Variants in CFAP58 observed in about 807,000 individuals in gnomAD.
CFAP58 encodes cilia- and flagella-associated protein 58.
In CFAP58, 88 loss-of-function variants were observed where a neutral mutation model predicts 119.5. That is an observed-to-expected ratio of 0.74 (90% CI 0.62 to 0.88). CFAP58 has a LOEUF of 0.88. Among genes scored for constraint, CFAP58 ranks in the 40% least tolerant of loss-of-function variants. The pLI, the probability that CFAP58 is intolerant of heterozygous loss-of-function variation, is 0.00. For missense variants in CFAP58, 990 were observed against 1,021.2 expected, an observed-to-expected ratio of 0.97 and a Z score of 0.42; for synonymous variants, 365 against 366.3, an observed-to-expected ratio of 1.00 and a Z score of 0.04.
chr10:104,425,987 C>G (rs952486519), intron 15 of CFAP58, among the ~76,000 whole-genome samples: 19 of 152,122 alleles, frequency 1.2e-4, no homozygotes, highest in Non-Finnish European at 1.0e-4. Context: ...AATCCCAGCA[C>G]TTTGGGAGGC....
chr10:104,359,068 T>C (rs1267962841), intron 2 of CFAP58, among the ~76,000 whole-genome samples: 1 of 152,200 alleles, frequency 6.6e-6, no homozygotes, highest in Non-Finnish European at 1.5e-5. Context: ...TAGCACCCCT[T>C]TTCTTTCCTC....
At chr10:104,382,347 A>G in intron 9 of CFAP58, 1 of 568,584 alleles carries the variant, frequency 1.8e-6, no homozygotes, top group Middle Eastern at 4.3e-4. Context: ...AATATATTTG[A>G]ACATAAAATG....
chr10:104,437,734 AG>A (rs1222456819), intron 15 of CFAP58, among the ~76,000 whole-genome samples: 2 of 152,240 alleles, frequency 1.3e-5, no homozygotes. Context: ...AAGGATTAAG[AG>A]GGAATTTGGA....
intron 15 of CFAP58, among the ~76,000 whole-genome samples, chr10:104,429,093 C>T (rs923055959): frequency 3.3e-5 from 5 of 152,142 alleles, no homozygotes; most frequent in African/African-American, 7.2e-5. Context: ...CCAGCAGCAC[C>T]GTGTGGCCAG....
intron 6 of CFAP58, 135 bp downstream of exon 6, chr10:104,368,695 C>G (rs1401827143): frequency 1.2e-6 from 1 of 856,642 alleles, no homozygotes; most frequent in African/African-American, 1.7e-5. Context: ...CAGGTGCAAG[C>G]CTATAGTGAT....
chr10:104,382,167 A>G (rs1207798106), intron 9 of CFAP58: 4 of 717,358 alleles, frequency 5.6e-6, no homozygotes, highest in South Asian at 4.4e-5. Flanking sequence ...ACAAAGGGAA[A>G]TGGTGAAACA....
chr10:104,384,160 A>G (rs954226064), intron 9 of CFAP58, among the ~76,000 whole-genome samples: 2 of 152,234 alleles, frequency 1.3e-5, no homozygotes, highest in African/African-American at 4.8e-5. Context: ...TGTTTCTAAT[A>G]TGAATCTGAG....
chr10:104,451,965 C>T (rs2013202518), intron 17 of CFAP58, among the ~76,000 whole-genome samples: 1 of 151,968 alleles, frequency 6.6e-6, no homozygotes, highest in African/African-American at 2.4e-5. Flanking sequence ...TCTCGAATTC[C>T]TGGCCCCAAG....
At chr10:104,348,262 C>T in the CFAP58 span, among the ~76,000 whole-genome samples, 1 of 152,212 alleles carries the variant, frequency 6.6e-6, no homozygotes, top group Non-Finnish European at 1.5e-5. Flanking sequence ...TGTCAGGGCA[C>T]AATTGCTTTG....
chr10:104,372,090 T>C (rs1434784212), intron 7 of CFAP58, among the ~76,000 whole-genome samples: 3 of 152,172 alleles, frequency 2.0e-5, no homozygotes, highest in Non-Finnish European at 4.4e-5. Context: ...CGGTGTCTCA[T>C]GCCCGTAATC....
chr10:104,366,919 G>A (rs890367180), intron 5 of CFAP58, among the ~76,000 whole-genome samples: 2 of 151,830 alleles, frequency 1.3e-5, no homozygotes, highest in African/African-American at 2.4e-5. Flanking sequence ...CCAGGCTGGA[G>A]CACAGTGGCA....
the CFAP58 span, among the ~76,000 whole-genome samples, chr10:104,345,164 A>G: frequency 6.6e-6 from 1 of 152,008 alleles, no homozygotes; most frequent in African/African-American, 2.4e-5. Flanking sequence ...AACAAAAACA[A>G]AAAGCTTATT....
rs116364845 is a variant in CFAP58 at position 104,395,497 on chromosome 10, C to T, written c.1674+2022C>T. Among the ~76,000 whole-genome samples the T allele has an allele frequency of 1.4e-3, 216 of 152,294 alleles. 1 individual carries two copies. Among genetic ancestry groups the T allele is most frequent in the African/African-American group, 5.0e-3 (207 of 41,560 alleles). Reference sequence around the variant, plus strand: ...AAGAATGAGAAGCAGAGAGAGAGGCCTGCCTGATTTATTATTTGAGTCTAT... The same window carrying T: ...AAGAATGAGAAGCAGAGAGAGAGGCTTGCCTGATTTATTATTTGAGTCTAT... On this transcript the variant is annotated intron_variant, in intron 11 of 17. Coordinates refer to ENST00000369704, the MANE Select transcript of CFAP58 (RefSeq NM_001008723.2).
At position 104,447,743 on chromosome 10, in the gene CFAP58, C is replaced by T. The variant is rs1312924089; in HGVS notation, c.2302C>T (p.Gln768Ter). ...YMELKHVLAR[Q>*]PGPEAAEQLK... is the part of the protein sequence containing the mutation. ...GGAACTAAAGCACGTCTTGGCCCGC[C>T]AGCCTGGACCTGAGGCTGCGGAACA... is the stretch of plus-strand genomic sequence containing the variant. The change falls in exon 16 of 18, where the codon CAG becomes TAG. Residue 768 changes from glutamine (Q) to a stop codon, truncating the protein, a stop_gained. Coordinates refer to ENST00000369704, the MANE Select transcript of CFAP58 (RefSeq NM_001008723.2). LOFTEE classifies it high-confidence loss of function. 1.2e-5 allele frequency: 20 copies of T among 1,614,042 alleles called. No homozygotes were observed. Among genetic ancestry groups the T allele is most frequent in the Non-Finnish European group, 1.6e-5 (19 of 1,180,028 alleles).
At chr10:104,386,128 AG>A (rs1185359955) in intron 9 of CFAP58, among the ~76,000 whole-genome samples, 1 of 150,924 alleles carries the variant, frequency 6.6e-6, no homozygotes, top group Non-Finnish European at 1.5e-5. Context: ...CTGTAATCCC[AG>A]CACTTTGGGA....
chr10:104,375,490 A>T (rs1249656402), intron 7 of CFAP58, among the ~76,000 whole-genome samples: 2 of 152,184 alleles, frequency 1.3e-5, no homozygotes, highest in Non-Finnish European at 2.9e-5. Context: ...AGGTTGAGAC[A>T]GGCAGATCAC....
At chr10:104,440,590 T>C (rs752445831) in intron 15 of CFAP58, among the ~76,000 whole-genome samples, 24 of 152,216 alleles carry the variant, frequency 1.6e-4, no homozygotes, top group Non-Finnish European at 2.8e-4. Flanking sequence ...TGAGGAGTTA[T>C]GTCTGTTATG....
At chr10:104,364,399 T>A (rs1324496881) in intron 3 of CFAP58, among the ~76,000 whole-genome samples, 1 of 151,010 alleles carries the variant, frequency 6.6e-6, no homozygotes, top group East Asian at 1.9e-4. Flanking sequence ...GTGATATGTT[T>A]TTCTGGGCTC....
the CFAP58 span, among the ~76,000 whole-genome samples, chr10:104,347,367 T>G: frequency 6.6e-6 from 1 of 152,036 alleles, no homozygotes; most frequent in Admixed American, 6.5e-5. Context: ...AGTGCTGCAG[T>G]AGTCTGGAAA....
Sources: allele counts gnomAD v4.1 joint callset (sites outside exome capture counted in the v4.1 genomes callset), GRCh38; gene constraint gnomAD v4.1.1; transcripts MANE v1.5; gene names NCBI Gene and HGNC (gene_info 2026-07-23, HGNC 2026-07-21).